The following CCDC178 variants were observed in gnomAD, a reference collection of about 807,000 sequenced individuals.
The protein encoded by CCDC178 is coiled-coil domain containing 178, also known as coiled-coil domain-containing protein 178.
CCDC178 carries 126 observed loss-of-function variants against 117.4 expected under a neutral mutation model. That is an observed-to-expected ratio of 1.07 (90% CI 0.93 to 1.24). The LOEUF (loss-of-function observed/expected upper bound fraction) is 1.24, where lower values mean the gene tolerates loss of function less well. Ranked by LOEUF, CCDC178 falls within the 50% of genes most tolerant of loss-of-function variation. The pLI is 0.00. For missense variants in CCDC178, 1,030 were observed against 986.9 expected (o/e 1.04, Z -0.59); for synonymous variants, 283 against 313.4 (o/e 0.90, Z 1.02).
At chr18:33,423,516 T>C (rs2064063325) in intron 2 of CCDC178, among the ~76,000 whole-genome samples, 1 of 152,174 alleles carries the variant, frequency 6.6e-6, no homozygotes, top group Admixed American at 6.5e-5. Context: ...ACTTCCATTG[T>C]TTTTAAATAT....
At chr18:33,171,696 G>A (rs947003461) in intron 20 of CCDC178, among the ~76,000 whole-genome samples, 7 of 152,144 alleles carry the variant, frequency 4.6e-5, no homozygotes, top group Non-Finnish European at 1.0e-4. Context: ...ACATGCTGTT[G>A]GAGCAAATGT....
chr18:33,318,932 G>C (rs1318265203), intron 11 of CCDC178, among the ~76,000 whole-genome samples: 2 of 151,996 alleles, frequency 1.3e-5, no homozygotes, highest in Non-Finnish European at 2.9e-5. Context: ...TACAAGAAAA[G>C]AAAATATCTT....
intron 5 of CCDC178, among the ~76,000 whole-genome samples, chr18:33,382,575 A>G (rs570841253): frequency 6.6e-6 from 1 of 152,158 alleles, no homozygotes; most frequent in South Asian, 2.1e-4. Flanking sequence ...TCACCTGGGA[A>G]CTGCAGTGGG....
At chr18:33,432,695 G>C (rs1046610555) in intron 2 of CCDC178, among the ~76,000 whole-genome samples, 5 of 152,056 alleles carry the variant, frequency 3.3e-5, no homozygotes, top group South Asian at 2.1e-4. Flanking sequence ...TCTTCATGCC[G>C]TTTCTACCTA....
At chr18:33,355,874 T>G (rs1008200384) in intron 7 of CCDC178, among the ~76,000 whole-genome samples, 9 of 152,130 alleles carry the variant, frequency 5.9e-5, no homozygotes, top group Non-Finnish European at 1.3e-4. Flanking sequence ...TTCCTATTAT[T>G]CCCTCTGGCA....
chr18:33,403,919 C>T (rs917892894), intron 3 of CCDC178, among the ~76,000 whole-genome samples: 2 of 151,946 alleles, frequency 1.3e-5, no homozygotes, highest in South Asian at 2.1e-4. Flanking sequence ...ATACTCCTTT[C>T]GACTTCTAGA....
intron 20 of CCDC178, among the ~76,000 whole-genome samples, chr18:33,109,295 C>T (rs1308289373): frequency 1.3e-5 from 2 of 151,644 alleles, no homozygotes. Flanking sequence ...ATAAACTTGT[C>T]AAATTGCTTA....
At chr18:33,336,914 C>T (rs2062748067) in intron 9 of CCDC178, among the ~76,000 whole-genome samples, 1 of 151,796 alleles carries the variant, frequency 6.6e-6, no homozygotes, top group Admixed American at 6.6e-5. Flanking sequence ...TTTAGGATTG[C>T]TTTTTTCTAG....
intron 22 of CCDC178, among the ~76,000 whole-genome samples, chr18:32,952,505 C>T (rs2054508203): frequency 6.6e-6 from 1 of 152,162 alleles, no homozygotes; most frequent in South Asian, 2.1e-4. Flanking sequence ...GGCAACAGGA[C>T]ACCATGTTCT....
At chr18:32,940,690 AGTAGACCCCAGTGTCT>A (rs2054218840) in intron 22 of CCDC178, among the ~76,000 whole-genome samples, 1 of 151,964 alleles carries the variant, frequency 6.6e-6, no homozygotes, top group Non-Finnish European at 1.5e-5. Context: ...TTCACCCTCA[AGTAGACCCCAGTGTCT>A]GTTGCTTCCT....
Position 33,003,503 on chromosome 18 carries a change from C to A in CCDC178, c.2389-28822G>T, listed in dbSNP as rs966227775. Among the ~76,000 whole-genome samples the A allele has an allele frequency of 1.1e-4, 17 of 151,882 alleles. 1 individual carries two copies. The highest frequency in any genetic ancestry group is 5.9e-5 in the Non-Finnish European group (4 of 67,922). On this transcript the variant is annotated intron_variant, in intron 21 of 22. Transcript: ENST00000383096. ...TTTAACATCCTTTCATAATAAGAAC[C>A]CTCAAAAAACTGGGCATAGTAGGAA...
intron 18 of CCDC178, among the ~76,000 whole-genome samples, chr18:33,218,188 T>TAGAG (rs746315855): frequency 0.034 from 5,189 of 152,198 alleles, 136 homozygotes; most frequent in Admixed American, 0.05. Context: ...GAACCACATT[T>TAGAG]GACATACATC....
chr18:33,096,314 T>A (rs1277678549), intron 20 of CCDC178, among the ~76,000 whole-genome samples: 1 of 99,382 alleles, frequency 1.0e-5, no homozygotes, highest in Non-Finnish European at 1.9e-5. Flanking sequence ...ATAAAATTTT[T>A]ATATTTTATA....
intron 14 of CCDC178, among the ~76,000 whole-genome samples, chr18:33,261,424 C>A (rs529105239): frequency 6.6e-6 from 1 of 150,694 alleles, no homozygotes; most frequent in Non-Finnish European, 1.5e-5. Flanking sequence ...GGTATGCCCC[C>A]CTCTATTGAT....
chr18:33,230,047 T>A (rs965369402), intron 15 of CCDC178, among the ~76,000 whole-genome samples: 1 of 152,140 alleles, frequency 6.6e-6, no homozygotes, highest in Non-Finnish European at 1.5e-5. Flanking sequence ...ATTGCCTACA[T>A]TGGGCAAAAT....
intron 21 of CCDC178, among the ~76,000 whole-genome samples, chr18:33,076,694 G>T (rs1048982441): frequency 6.6e-6 from 1 of 152,292 alleles, no homozygotes; most frequent in South Asian, 2.1e-4. Flanking sequence ...GTGTGTGTGA[G>T]GGGGAGGAGG....
intron 2 of CCDC178, among the ~76,000 whole-genome samples, chr18:33,415,801 C>T (rs1465903674): frequency 6.6e-6 from 1 of 152,036 alleles, no homozygotes; most frequent in Non-Finnish European, 1.5e-5. Context: ...TTCCTTATTC[C>T]TTCCTGTAAG....
intron 11 of CCDC178, among the ~76,000 whole-genome samples, chr18:33,301,019 T>G (rs1281260919): frequency 6.6e-6 from 1 of 152,170 alleles, no homozygotes; most frequent in East Asian, 1.9e-4. Context: ...AGGCAGCTCC[T>G]CCCATTACAG....
intron 5 of CCDC178, among the ~76,000 whole-genome samples, chr18:33,372,244 T>G (rs1018543010): frequency 1.3e-5 from 2 of 152,130 alleles, no homozygotes; most frequent in Non-Finnish European, 2.9e-5. Flanking sequence ...ACTCTTTTTA[T>G]TTCATTGCAA....
Sources: gnomAD v4.1 joint callset for allele counts (sites outside exome capture counted in the v4.1 genomes callset) on GRCh38, gnomAD v4.1.1 for gene constraint, MANE v1.5 for transcripts, NCBI Gene and HGNC (gene_info 2026-07-23, HGNC 2026-07-21) for gene names.